KDM4C: variants seen among roughly 807,000 people sequenced by gnomAD.
The protein encoded by KDM4C is lysine demethylase 4C.
Under a neutral mutation model 129.3 loss-of-function variants are expected in KDM4C, and 81 were observed. The observed-to-expected ratio is 0.63, with a 90% CI of 0.52 to 0.75. The LOEUF (loss-of-function observed/expected upper bound fraction) is 0.75. Among genes scored for constraint, KDM4C ranks in the 30% least tolerant of loss-of-function variants. KDM4C has a pLI of 0.00. For synonymous variants in KDM4C, 573 were observed against 456.1 expected (o/e 1.26, Z -3.26); for missense variants, 1,457 against 1,304.0 (o/e 1.12, Z -1.81).
intron 5 of KDM4C, among the ~76,000 whole-genome samples, chr9:6,874,507 A>G (rs565926212): frequency 6.2e-4 from 94 of 152,364 alleles, no homozygotes; most frequent in African/African-American, 2.2e-3. Context: ...ATATTTTAAT[A>G]AAGTACAAAC....
intron 19 of KDM4C, among the ~76,000 whole-genome samples, chr9:7,150,145 T>C (rs959959810): frequency 1.3e-5 from 2 of 152,282 alleles, no homozygotes; most frequent in Admixed American, 6.5e-5. Flanking sequence ...CGAAATCAGG[T>C]TGACAATGCC....
At chr9:6,879,583 A>G (rs985067782) in intron 5 of KDM4C, among the ~76,000 whole-genome samples, 3 of 152,218 alleles carry the variant, frequency 2.0e-5, no homozygotes, top group South Asian at 2.1e-4. Context: ...AAATTTAGAA[A>G]GAGAGCAACC....
At chr9:7,031,168 T>TTATG (rs142715829) in intron 15 of KDM4C, among the ~76,000 whole-genome samples, 107 of 78,686 alleles carry the variant, frequency 1.4e-3, no homozygotes, top group African/African-American at 4.3e-3. Flanking sequence ...ATTTATTTAT[T>TTATG]TATGTATGTT....
intron 20 of KDM4C, 144 bp downstream of exon 20, chr9:7,165,501 TA>T: frequency 1.1e-6 from 1 of 939,100 alleles, no homozygotes; most frequent in Non-Finnish European, 1.6e-6. Context: ...ATTCAATGTG[TA>T]ATGACCCAGG....
rs145830758 is a variant in KDM4C at position 6,833,892 on chromosome 9, A to G, written c.436-15615A>G. Among the ~76,000 whole-genome samples the G allele has an allele frequency of 3.8e-3, 584 of 152,276 alleles. 3 individuals are homozygous for G. The highest frequency in any genetic ancestry group is 0.013 in the African/African-American group (560 of 41,558). ...ATTTATACTTTTTGACATCTGTCAG[A>G]GCCGTGAAGAATGTTTGTTTAGGAG... On this transcript the variant is annotated intron_variant, in intron 4 of 21. Coordinates refer to ENST00000381309, the MANE Select transcript of KDM4C (RefSeq NM_015061.6).
intron 17 of KDM4C, among the ~76,000 whole-genome samples, chr9:7,068,927 C>A (rs1479866964): frequency 6.6e-6 from 1 of 151,930 alleles, no homozygotes; most frequent in Non-Finnish European, 1.5e-5. Context: ...GAACTCCTGA[C>A]CTCAGGTGAT....
intron 4 of KDM4C, among the ~76,000 whole-genome samples, chr9:6,828,092 G>A (rs1309772476): frequency 6.6e-6 from 1 of 152,180 alleles, no homozygotes; most frequent in African/African-American, 2.4e-5. Context: ...TGAGAATGGT[G>A]CAAGTAGGAA....
intron 8 of KDM4C, among the ~76,000 whole-genome samples, chr9:6,962,053 C>G (rs1043744761): frequency 1.3e-5 from 2 of 152,114 alleles, no homozygotes; most frequent in Non-Finnish European, 2.9e-5. Flanking sequence ...GTGAGGAACC[C>G]TAGAGTCACA....
chr9:7,140,333 C>A (rs2381568), intron 19 of KDM4C, among the ~76,000 whole-genome samples: 41,460 of 151,974 alleles, frequency 0.27, 5,732 homozygotes, highest in Middle Eastern at 0.37. Flanking sequence ...GTTTGTTTTG[C>A]TTTTTTGTTG....
intron 1 of KDM4C, among the ~76,000 whole-genome samples, chr9:6,726,079 A>G (rs1391617613): frequency 6.6e-6 from 1 of 152,014 alleles, no homozygotes; most frequent in East Asian, 1.9e-4. Context: ...GGTGCACACC[A>G]CCACACCTAG....
chr9:6,992,498 A>T (rs541003304), intron 12 of KDM4C, among the ~76,000 whole-genome samples: 1 of 152,198 alleles, frequency 6.6e-6, no homozygotes, highest in Non-Finnish European at 1.5e-5. Context: ...TTGATTAGAA[A>T]AATCAGAGAA....
chr9:6,849,456 C>T (rs768150235), intron 4 of KDM4C, 51 bp from the exon 5 acceptor site: 3 of 1,424,932 alleles, frequency 2.1e-6, no homozygotes, highest in Non-Finnish European at 9.4e-7. Context: ...TGCTATCTTT[C>T]ATGGTTTAGT....
intron 8 of KDM4C, among the ~76,000 whole-genome samples, chr9:6,926,401 G>A (rs1460584318): frequency 2.1e-5 from 3 of 144,694 alleles, no homozygotes; most frequent in East Asian, 4.0e-4. Flanking sequence ...GGTGAAAAGT[G>A]GAATCTTTGT....
At chr9:6,836,841 C>T (rs1488865654) in intron 4 of KDM4C, among the ~76,000 whole-genome samples, 1 of 151,134 alleles carries the variant, frequency 6.6e-6, no homozygotes, top group African/African-American at 2.4e-5. Flanking sequence ...TTTTTTTATT[C>T]TGCTGCCAGT....
intron 8 of KDM4C, among the ~76,000 whole-genome samples, chr9:6,945,140 G>T (rs1031634019): frequency 6.6e-6 from 1 of 151,914 alleles, no homozygotes; most frequent in Non-Finnish European, 1.5e-5. Flanking sequence ...CCGTGGACCC[G>T]CACACATACT....
chr9:6,874,082 T>C (rs540643724), intron 5 of KDM4C, among the ~76,000 whole-genome samples: 1 of 152,122 alleles, frequency 6.6e-6, no homozygotes, highest in Non-Finnish European at 1.5e-5. Context: ...ACATCAAAGG[T>C]CACTGATGAC....
intron 19 of KDM4C, among the ~76,000 whole-genome samples, chr9:7,152,365 TTAA>T: frequency 6.6e-6 from 1 of 152,344 alleles, no homozygotes; most frequent in South Asian, 2.1e-4. Flanking sequence ...AACAGAGTTT[TTAA>T]AAGATAATTA....
intron 8 of KDM4C, among the ~76,000 whole-genome samples, chr9:6,920,019 T>TA (rs1013635850): frequency 1.3e-5 from 2 of 152,210 alleles, no homozygotes; most frequent in African/African-American, 4.8e-5. Flanking sequence ...CAAAATCTGT[T>TA]CACTAAGTCT....
chr9:6,931,463 T>C (rs180834766), intron 8 of KDM4C, among the ~76,000 whole-genome samples: 3 of 152,270 alleles, frequency 2.0e-5, no homozygotes, highest in Non-Finnish European at 2.9e-5. Context: ...ATTAGTTTTG[T>C]TGGGTCTGTG....
Sources: gnomAD v4.1 joint callset for allele counts (sites outside exome capture counted in the v4.1 genomes callset) on GRCh38, gnomAD v4.1.1 for gene constraint, MANE v1.5 for transcripts, NCBI Gene and HGNC (gene_info 2026-07-23, HGNC 2026-07-21) for gene names.